The following GPR149 variants were observed in gnomAD, a reference collection of about 807,000 sequenced individuals.
GPR149 encodes the protein G protein-coupled receptor 149, also known as probable G protein-coupled receptor 149.
In GPR149, 50 loss-of-function variants were observed where a neutral mutation model predicts 50.2. The observed-to-expected ratio is 1.00, with a 90% CI of 0.79 to 1.26. The LOEUF is 1.26. GPR149 is among the 50% of genes most tolerant of loss of function. The pLI is 0.00. For synonymous variants in GPR149, 405 were observed against 358.2 expected (o/e 1.13, Z -1.48); for missense variants, 983 against 895.4 (o/e 1.10, Z -1.25).
intron 3 of GPR149, among the ~76,000 whole-genome samples, chr3:154,403,653 C>A (rs184189956): frequency 6.6e-6 from 1 of 152,150 alleles, no homozygotes; most frequent in Non-Finnish European, 1.5e-5. Context: ...TCAGCACAAG[C>A]GAGTTGCCCA....
intron 3 of GPR149, among the ~76,000 whole-genome samples, chr3:154,402,283 T>C (rs1040826743): frequency 1.3e-5 from 2 of 152,032 alleles, no homozygotes; most frequent in African/African-American, 4.8e-5. Flanking sequence ...CCAGGCACCA[T>C]GGCTCACACC....
intron 3 of GPR149, among the ~76,000 whole-genome samples, chr3:154,342,802 A>G (rs1045743784): frequency 6.6e-6 from 1 of 152,210 alleles, no homozygotes; most frequent in African/African-American, 2.4e-5. Flanking sequence ...CCCCAGCAGA[A>G]ATAAAAAGAT....
intron 3 of GPR149, among the ~76,000 whole-genome samples, chr3:154,417,642 G>GT (rs1232586510): frequency 6.6e-6 from 1 of 151,408 alleles, no homozygotes; most frequent in East Asian, 2.0e-4. Flanking sequence ...AAGAAGTAGT[G>GT]TTTTTATAGA....
chr3:154,363,678 T>C (rs789381), intron 3 of GPR149, among the ~76,000 whole-genome samples: 96,175 of 151,970 alleles, frequency 0.63, 30,836 homozygotes, highest in East Asian at 0.89. Flanking sequence ...CTGGATAGAG[T>C]CCATGACAGG....
At chr3:154,371,852 C>T (rs937977873) in intron 3 of GPR149, among the ~76,000 whole-genome samples, 1 of 152,210 alleles carries the variant, frequency 6.6e-6, no homozygotes, top group African/African-American at 2.4e-5. Flanking sequence ...AGCCATCCTA[C>T]TCGTTTTTGG....
rs756812851 is a variant in GPR149 at position 154,429,005 on chromosome 3, A to G, written c.611T>C (p.Leu204Pro). 2 of 1,614,046 alleles carry G rather than the reference A, an allele frequency of 1.2e-6. No individual in the cohort carries two copies. Among genetic ancestry groups the G allele is most frequent in the Non-Finnish European group, 1.7e-6 (2 of 1,180,008 alleles). The change falls in exon 1 of 4, where the codon CTC becomes CCC. Residue 204 changes from leucine (L) to proline (P), a missense_variant. Coordinates refer to ENST00000389740, the MANE Select transcript of GPR149 (RefSeq NM_001038705.3). ...GAGTGGGACTGAGAGGCCCACGAGG[A>G]GTCCGAAGGCCAAAGCGTACACGAT... Reference protein sequence around the residue: ...LSIVYALAFGLLVGLSVPLTH... With the variant: ...LSIVYALAFGPLVGLSVPLTH...
chr3:154,408,518 G>C (rs1711754158), intron 3 of GPR149, among the ~76,000 whole-genome samples: 1 of 152,120 alleles, frequency 6.6e-6, no homozygotes, highest in African/African-American at 2.4e-5. Context: ...TAGGACTGTG[G>C]GCTGCATTTG....
Position 154,427,582 on chromosome 3 carries a change from A to C in GPR149, c.1108T>G (p.Leu370Val). ...CAGTTGATGATGCAGCCACAGGGCAAGTGGGTCCAGCGTTTGGACAAGACA... is the reference window on the plus strand; with the variant it reads ...CAGTTGATGATGCAGCCACAGGGCACGTGGGTCCAGCGTTTGGACAAGACA... ...VFVLSKRWTH[L>V]PCGCIINCRQ... is the part of the protein sequence containing the mutation. The change falls in exon 2 of 4, where the codon TTG (leucine) becomes GTG (valine). Residue 370 changes from leucine (L) to valine (V), a missense_variant. Leu to Val is a conservative substitution (Grantham distance 32). Coordinates refer to ENST00000389740, the MANE Select transcript of GPR149 (RefSeq NM_001038705.3). 6.2e-7 allele frequency: 1 copy of C among 1,614,094 alleles called. No homozygotes were observed. Among genetic ancestry groups the C allele is most frequent in the Non-Finnish European group, 8.5e-7 (1 of 1,179,990 alleles).
chr3:154,420,125 C>G (rs1712095277), intron 3 of GPR149, among the ~76,000 whole-genome samples: 1 of 151,910 alleles, frequency 6.6e-6, no homozygotes, highest in African/African-American at 2.4e-5. Context: ...TACTTTTGAT[C>G]AATGAGTACA....
chr3:154,364,560 G>A (rs1714487095), intron 3 of GPR149, among the ~76,000 whole-genome samples: 1 of 152,180 alleles, frequency 6.6e-6, no homozygotes, highest in African/African-American at 2.4e-5. Flanking sequence ...AAAATACAAT[G>A]GTGAGATAGG....
intron 3 of GPR149, among the ~76,000 whole-genome samples, chr3:154,368,156 C>T (rs577700653): frequency 6.6e-6 from 1 of 152,304 alleles, no homozygotes; most frequent in East Asian, 1.9e-4. Flanking sequence ...GACCATGGCC[C>T]CGCCAGAGGC....
At chr3:154,388,753 C>A (rs1173392155) in intron 3 of GPR149, among the ~76,000 whole-genome samples, 1 of 152,004 alleles carries the variant, frequency 6.6e-6, no homozygotes, top group Non-Finnish European at 1.5e-5. Context: ...TGGAGGTTGA[C>A]CATCCTAACA....
rs539212577 is a variant in GPR149 at position 154,336,521 on chromosome 3, G to A, written c.*1178C>T. On this transcript the variant is annotated 3_prime_UTR_variant, in exon 4 of 4. Coordinates refer to ENST00000389740, the MANE Select transcript of GPR149 (RefSeq NM_001038705.3). ...AAGGTTAGAATAAAGCAATTTGAAGGAAAATCACTTTATAATTTTTGAAAT... is the reference window on the plus strand; with the variant it reads ...AAGGTTAGAATAAAGCAATTTGAAGAAAAATCACTTTATAATTTTTGAAAT... 6.6e-6 allele frequency: 1 copy of A among 152,114 alleles called. No individual in the cohort carries two copies. The highest frequency in any genetic ancestry group is 1.9e-4 in the East Asian group (1 of 5,188). 9.4% of individuals were successfully genotyped at this position (152,114 alleles called of 1,614,324 possible).
chr3:154,349,418 C>A (rs1714014107), intron 3 of GPR149, among the ~76,000 whole-genome samples: 1 of 152,164 alleles, frequency 6.6e-6, no homozygotes, highest in South Asian at 2.1e-4. Flanking sequence ...GATATCACTG[C>A]AGAGTCTGCA....
At chr3:154,387,886 A>C (rs1715080563) in intron 3 of GPR149, among the ~76,000 whole-genome samples, 1 of 152,192 alleles carries the variant, frequency 6.6e-6, no homozygotes, top group Non-Finnish European at 1.5e-5. Context: ...ACGTCTTGTG[A>C]ACCTCTATGG....
Position 154,336,416 on chromosome 3 carries a change from G to T in GPR149, c.*1283C>A, listed in dbSNP as rs2108380884. 6.6e-6 allele frequency: 1 copy of T among 152,166 alleles called. No homozygotes were observed. Among genetic ancestry groups the T allele is most frequent in the Admixed American group, 6.5e-5 (1 of 15,278 alleles). The allele number at this position is 152,166 out of a possible 1,614,324, so 9.4% of individuals were successfully genotyped here. A position where few individuals can be genotyped will look rare whatever the true frequency, so the allele number is the denominator to read the frequency against. ...ATGTGAGTGATGTGAGGGGCACAAA[G>T]TCTAAGACTATGTAAAGTGTCAACT... On this transcript the variant is annotated 3_prime_UTR_variant, in exon 4 of 4. Transcript: ENST00000389740.
At chr3:154,360,673 C>T (rs1034745219) in intron 3 of GPR149, among the ~76,000 whole-genome samples, 8 of 152,138 alleles carry the variant, frequency 5.3e-5, no homozygotes, top group African/African-American at 1.9e-4. Flanking sequence ...GAGGCAGATA[C>T]TACTCCAGGG....
chr3:154,367,330 C>T (rs921942029), intron 3 of GPR149, among the ~76,000 whole-genome samples: 1 of 58,620 alleles, frequency 1.7e-5, no homozygotes, highest in African/African-American at 6.7e-5. Flanking sequence ...CTCTCCCTCT[C>T]TCCCTTCCCC....
chr3:154,393,578 G>A (rs1715217914), intron 3 of GPR149, among the ~76,000 whole-genome samples: 1 of 151,892 alleles, frequency 6.6e-6, no homozygotes, highest in South Asian at 2.1e-4. Context: ...ATCCTGGCCT[G>A]AGTAATTAGG....
Sources: gnomAD v4.1 joint callset for allele counts (sites outside exome capture counted in the v4.1 genomes callset) on GRCh38, gnomAD v4.1.1 for gene constraint, MANE v1.5 for transcripts, NCBI Gene and HGNC (gene_info 2026-07-23, HGNC 2026-07-21) for gene names.